MTSS1: variants seen among roughly 807,000 people sequenced by gnomAD.
The protein encoded by MTSS1 is MTSS I-BAR domain containing 1.
In MTSS1, 18 loss-of-function variants were observed where a neutral mutation model predicts 79.0. The observed-to-expected ratio is 0.23, with a 90% CI of 0.16 to 0.34. The LOEUF (loss-of-function observed/expected upper bound fraction) is 0.34, where lower values mean the gene tolerates loss of function less well. Ranked by LOEUF, MTSS1 falls within the 10% of genes least tolerant of loss-of-function variation. The pLI is 1.00. For synonymous variants in MTSS1, 341 were observed against 368.6 expected (o/e 0.93, Z 0.86); for missense variants, 815 against 986.2 (o/e 0.83, Z 2.33).
Position 124,553,619 on chromosome 8 carries a change from G to A in MTSS1, c.1641C>T (p.Thr547=). 1 of 1,614,134 alleles carries A rather than the reference G, an allele frequency of 6.2e-7. No homozygotes were observed. Among genetic ancestry groups the A allele is most frequent in the Non-Finnish European group, 8.5e-7 (1 of 1,180,018 alleles). The part of the protein sequence containing the change: ...ADQQEFDKSS[T]IPRNSDISQS... ...GGCTGATGTCGCTGTTTCTTGGAAT[G>A]GTGGAGGACTTGTCGAACTCCTGCT... The change falls in exon 14 of 14, where the codon ACC becomes ACT. Residue 547 remains threonine, a synonymous_variant. Transcript: ENST00000518547. This position sits in a 1 kb window ranked among gnomAD's most constrained non-coding sequence, Gnocchi z 6.0.
chr8:124,608,133 T>TGA (rs932051989), intron 3 of MTSS1, among the ~76,000 whole-genome samples: 6 of 152,020 alleles, frequency 3.9e-5, no homozygotes, highest in African/African-American at 1.4e-4. Flanking sequence ...GATGCCCCTC[T>TGA]GAGAGCTGGT....
chr8:124,682,581 T>C (rs1826298448), intron 3 of MTSS1, among the ~76,000 whole-genome samples: 1 of 152,082 alleles, frequency 6.6e-6, no homozygotes, highest in African/African-American at 2.4e-5. Flanking sequence ...AAGAATACAG[T>C]AGACAGGAGG....
In MTSS1 at chr8:124,683,717, A is replaced by G. The variant is rs1383589314; in HGVS notation, c.208+15809T>C. On this transcript the variant is annotated intron_variant, in intron 3 of 13. Coordinates refer to ENST00000518547, the MANE Select transcript of MTSS1 (RefSeq NM_014751.6). This position sits in a 1 kb window ranked among gnomAD's most constrained non-coding sequence, Gnocchi z 4.5. ...AACCATCTTACTGACATGGTCAACC[A>G]ATGGCTGAGCAGACACACTCAGGAC... is the stretch of plus-strand genomic sequence containing the variant. Among the ~76,000 whole-genome samples, 1 of 152,192 alleles carries G rather than the reference A, an allele frequency of 6.6e-6. No homozygotes were observed. The highest frequency in any genetic ancestry group is 1.5e-5 in the Non-Finnish European group (1 of 68,042).
chr8:124,685,980 CA>C (rs1263818655), intron 3 of MTSS1, among the ~76,000 whole-genome samples: 2 of 152,296 alleles, frequency 1.3e-5, no homozygotes, highest in Admixed American at 6.5e-5. Flanking sequence ...CAGGGACCCC[CA>C]AAGTCCCAAG....
At chr8:124,574,538 G>C (rs1488123435) in intron 6 of MTSS1, among the ~76,000 whole-genome samples, 1 of 152,154 alleles carries the variant, frequency 6.6e-6, no homozygotes, top group Non-Finnish European at 1.5e-5. Flanking sequence ...CCTACTCACA[G>C]CAAACATGAA....
intron 1 of MTSS1, among the ~76,000 whole-genome samples, chr8:124,713,841 AG>A (rs1831520380): frequency 6.6e-6 from 1 of 151,922 alleles, no homozygotes; most frequent in Non-Finnish European, 1.5e-5. Flanking sequence ...TCGACTTCCC[AG>A]GCCCAAGCGA....
chr8:124,629,223 G>A (rs1052146253), intron 3 of MTSS1, among the ~76,000 whole-genome samples: 3 of 152,086 alleles, frequency 2.0e-5, no homozygotes, highest in Non-Finnish European at 4.4e-5. Context: ...AAGAAATTCT[G>A]GAGCTAGATG....
rs928545343 is a variant in MTSS1, at chr8:124,614,164, A to C, written c.209-22929T>G. On this transcript the variant is annotated intron_variant, in intron 3 of 13. Coordinates refer to ENST00000518547, the MANE Select transcript of MTSS1 (RefSeq NM_014751.6). ...GGGCGACAGAGCAAATACCTGCCTC[A>C]AAAAAAAAAAAAAAAAAAAAGGGTA... Among the ~76,000 whole-genome samples the C allele has an allele frequency of 4.8e-4, 18 of 37,442 alleles. No individual in the cohort carries two copies. The African/African-American group carries it at 7.4e-3, about 15-fold the overall frequency. 24.6% of individuals were successfully genotyped at this position (37,442 alleles called of 152,430 possible). A position where few individuals can be genotyped will look rare whatever the true frequency, so the allele number is the denominator to read the frequency against.
chr8:124,672,838 C>T (rs1326241457), intron 3 of MTSS1, among the ~76,000 whole-genome samples: 1 of 151,822 alleles, frequency 6.6e-6, no homozygotes, highest in Non-Finnish European at 1.5e-5. Context: ...CACACACACA[C>T]ATGCATGCAC....
intron 3 of MTSS1, among the ~76,000 whole-genome samples, chr8:124,630,160 G>A (rs1300089527): frequency 6.6e-6 from 1 of 152,202 alleles, no homozygotes; most frequent in Non-Finnish European, 1.5e-5. Context: ...ACCTCCCCTG[G>A]AAGAGGTCAC....
intron 3 of MTSS1, among the ~76,000 whole-genome samples, chr8:124,634,288 TGTTGTTGTTG>T (rs1816598193): frequency 6.6e-6 from 1 of 150,522 alleles, no homozygotes; most frequent in African/African-American, 2.5e-5. Context: ...TTTTTTTTGT[TGTTGTTGTTG>T]TTTTGTAGTT....
At chr8:124,677,877 A>G (rs1825561446) in intron 3 of MTSS1, among the ~76,000 whole-genome samples, 1 of 152,226 alleles carries the variant, frequency 6.6e-6, no homozygotes, top group Admixed American at 6.5e-5. Flanking sequence ...GCTTACTGCT[A>G]AAAGTTAAAT....
intron 3 of MTSS1, among the ~76,000 whole-genome samples, chr8:124,695,025 T>A (rs890128412): frequency 6.7e-6 from 1 of 148,790 alleles, no homozygotes; most frequent in African/African-American, 2.5e-5. Context: ...TTAAAAAAAA[T>A]GAAAGCAATT....
intron 3 of MTSS1, among the ~76,000 whole-genome samples, chr8:124,610,151 T>C (rs745364194): frequency 6.6e-6 from 1 of 152,226 alleles, no homozygotes; most frequent in Admixed American, 6.5e-5. Flanking sequence ...GAGCACCTAC[T>C]ATGTGCAAGG....
chr8:124,615,269 C>A (rs556160184), intron 3 of MTSS1, among the ~76,000 whole-genome samples: 2 of 152,176 alleles, frequency 1.3e-5, no homozygotes, highest in East Asian at 3.9e-4. Flanking sequence ...CACCCCAAGG[C>A]AAATGGAGAG....
chr8:124,724,639 T>G (rs1272532335), intron 1 of MTSS1, among the ~76,000 whole-genome samples: 1 of 152,148 alleles, frequency 6.6e-6, no homozygotes, highest in Admixed American at 6.5e-5. Flanking sequence ...ATCCGCAGAG[T>G]GAGCTGTCCT....
rs534245012 is a variant in MTSS1 at position 124,683,558 on chromosome 8, G to C, written c.208+15968C>G. Among the ~76,000 whole-genome samples the C allele has an allele frequency of 7.9e-5, 12 of 152,206 alleles. No homozygotes were observed. Among genetic ancestry groups the C allele is most frequent in the Admixed American group, 2.0e-4 (3 of 15,284 alleles). ...TAGAAAACCTCAACTGGAGGCCAGAGGTGGGACACGCCCTAGGAAGCATCC... is the reference window on the plus strand; with the variant it reads ...TAGAAAACCTCAACTGGAGGCCAGACGTGGGACACGCCCTAGGAAGCATCC... On this transcript the variant is annotated intron_variant, in intron 3 of 13. Coordinates refer to ENST00000518547, the MANE Select transcript of MTSS1 (RefSeq NM_014751.6). The surrounding 1 kb of genome is among the most constrained non-coding windows in gnomAD (Gnocchi z 4.5).
chr8:124,612,220 G>A (rs965048269), intron 3 of MTSS1, among the ~76,000 whole-genome samples: 1 of 152,224 alleles, frequency 6.6e-6, no homozygotes, highest in Admixed American at 6.5e-5. Context: ...ACAAAGAGCA[G>A]CTCCTGACCA....
In MTSS1 at chr8:124,660,306, C is replaced by T. The variant is rs187621046; in HGVS notation, c.208+39220G>A. On this transcript the variant is annotated intron_variant, in intron 3 of 13. Transcript: ENST00000518547. Reference sequence around the variant, plus strand: ...ATAGGCTGTGCCACAGAAACAGGGGCCCTTCGAAAGAAGCAGCACTTTAAC... The same window carrying T: ...ATAGGCTGTGCCACAGAAACAGGGGTCCTTCGAAAGAAGCAGCACTTTAAC... 3.1e-3 allele frequency among the ~76,000 whole-genome samples: 464 copies of T among 152,102 alleles called. 6 individuals carry two copies. Among genetic ancestry groups the T allele is most frequent in the African/African-American group, 0.011 (449 of 41,478 alleles).
Sources: gnomAD v4.1 joint callset for allele counts (sites outside exome capture counted in the v4.1 genomes callset) on GRCh38, gnomAD v4.1.1 for gene constraint, Gnocchi (gnomAD v3.1) non-coding constraint, MANE v1.5 for transcripts, NCBI Gene and HGNC (gene_info 2026-07-23, HGNC 2026-07-21) for gene names.